PIP5K1B: variants seen among roughly 807,000 people sequenced by gnomAD.
PIP5K1B encodes the protein phosphatidylinositol-4-phosphate 5-kinase type 1 beta, also known as phosphatidylinositol 4-phosphate 5-kinase type-1 beta.
Under a neutral mutation model 67.0 loss-of-function variants are expected in PIP5K1B, and 42 were observed. The observed-to-expected ratio is 0.63, with a 90% confidence interval of 0.49 to 0.81. The LOEUF is 0.81. PIP5K1B is among the 30% of genes least tolerant of loss of function. PIP5K1B has a pLI of 0.00. For missense variants in PIP5K1B, 459 were observed against 646.3 expected, an observed-to-expected ratio of 0.71 and a Z score of 3.14; for synonymous variants, 214 against 231.4, an observed-to-expected ratio of 0.92 and a Z score of 0.68.
chr9:68,742,944 T>C (rs565446935), intron 2 of PIP5K1B, among the ~76,000 whole-genome samples: 59 of 152,336 alleles, frequency 3.9e-4, no homozygotes, highest in Middle Eastern at 3.4e-3. Context: ...GGTCTCTCTC[T>C]TTTTAAAAAC....
chr9:68,740,959 A>G (rs1278031228), intron 1 of PIP5K1B, among the ~76,000 whole-genome samples: 1 of 152,206 alleles, frequency 6.6e-6, no homozygotes, highest in Non-Finnish European at 1.5e-5. Context: ...GAAGTTTTAG[A>G]TCAGGTCATT....
intron 2 of PIP5K1B, among the ~76,000 whole-genome samples, chr9:68,777,277 T>C (rs1830962752): frequency 6.6e-6 from 1 of 152,194 alleles, no homozygotes; most frequent in Non-Finnish European, 1.5e-5. Context: ...ACTTACTCAG[T>C]ACAATGTGCC....
intron 14 of PIP5K1B, among the ~76,000 whole-genome samples, chr9:68,984,151 T>A (rs76513271): frequency 6.6e-6 from 1 of 152,160 alleles, no homozygotes; most frequent in Non-Finnish European, 1.5e-5. Flanking sequence ...TTATTCTCAT[T>A]TTACATATGG....
intron 12 of PIP5K1B, among the ~76,000 whole-genome samples, chr9:68,931,018 A>G (rs1826967682): frequency 6.6e-6 from 1 of 152,286 alleles, no homozygotes; most frequent in South Asian, 2.1e-4. Context: ...CTTAATGCCT[A>G]AAGGCATACT....
intron 4 of PIP5K1B, among the ~76,000 whole-genome samples, chr9:68,827,875 A>G (rs1031319225): frequency 6.6e-6 from 1 of 152,284 alleles, no homozygotes. Context: ...TTGAAAGAGG[A>G]TGGTCTCAAT....
chr9:68,838,384 G>A (rs963428256), intron 4 of PIP5K1B, among the ~76,000 whole-genome samples: 1 of 152,086 alleles, frequency 6.6e-6, no homozygotes, highest in African/African-American at 2.4e-5. Context: ...AAAAACAAAT[G>A]CCTCTTGTAC....
chr9:68,771,867 A>C (rs573030031), intron 2 of PIP5K1B, among the ~76,000 whole-genome samples: 3 of 152,330 alleles, frequency 2.0e-5, no homozygotes, highest in African/African-American at 7.2e-5. Flanking sequence ...CTACTATCAA[A>C]TTGAGCTACA....
chr9:68,992,395 G>A (rs1346183658), intron 15 of PIP5K1B, among the ~76,000 whole-genome samples: 2 of 152,134 alleles, frequency 1.3e-5, no homozygotes, highest in South Asian at 2.1e-4. Flanking sequence ...AATCAGCACC[G>A]AGTGATGCAT....
At chr9:68,738,155 T>C (rs1363745297) in intron 1 of PIP5K1B, among the ~76,000 whole-genome samples, 1 of 152,216 alleles carries the variant, frequency 6.6e-6, no homozygotes, top group Non-Finnish European at 1.5e-5. Flanking sequence ...GAAAAATTCA[T>C]ATGTATGTGG....
Position 68,821,960 on chromosome 9 carries a change from AAAT to A in PIP5K1B, c.1-653_1-651del, listed in dbSNP as rs2132069467. On this transcript the variant is annotated intron_variant, in intron 3 of 15. Transcript: ENST00000265382. ...GTTTATTACATAAATGTTCAGTGAA[AAAT>A]ACTGGGTAAGATAGTATTGTAAGTT... Among the ~76,000 whole-genome samples, 2 of 152,336 alleles carry A rather than the reference AAAT, an allele frequency of 1.3e-5. 1 individual carries two copies. The highest frequency in any genetic ancestry group is 4.1e-4 in the South Asian group (2 of 4,826).
chr9:68,780,062 G>C (rs1199771893), intron 2 of PIP5K1B: 1 of 1,416,506 alleles, frequency 7.1e-7, no homozygotes, highest in Non-Finnish European at 9.2e-7. Flanking sequence ...CCAGCCCGCT[G>C]ACAGATTCTC....
At chr9:68,941,703 C>T (rs112427998) in intron 14 of PIP5K1B, among the ~76,000 whole-genome samples, 3 of 152,168 alleles carry the variant, frequency 2.0e-5, no homozygotes, top group Non-Finnish European at 2.9e-5. Flanking sequence ...GAATTCCTTA[C>T]GCTTTAAGTC....
chr9:68,887,793 G>A (rs1824554594), intron 6 of PIP5K1B, among the ~76,000 whole-genome samples: 1 of 152,088 alleles, frequency 6.6e-6, no homozygotes, highest in Non-Finnish European at 1.5e-5. Flanking sequence ...GGAAATGTGA[G>A]GAATCAAGGA....
At chr9:68,852,189 C>G (rs1304065683) in intron 4 of PIP5K1B, among the ~76,000 whole-genome samples, 1 of 152,022 alleles carries the variant, frequency 6.6e-6, no homozygotes, top group Non-Finnish European at 1.5e-5. Flanking sequence ...TGTAACAAAC[C>G]TGCATGTTCT....
intron 2 of PIP5K1B, chr9:68,780,543 G>A: frequency 1.9e-6 from 3 of 1,614,162 alleles, no homozygotes; most frequent in Non-Finnish European, 2.5e-6. Flanking sequence ...GAGTGACAAC[G>A]ACGTGGAGAA....
At chr9:68,868,604 A>G (rs1333288516) in intron 5 of PIP5K1B, among the ~76,000 whole-genome samples, 2 of 152,208 alleles carry the variant, frequency 1.3e-5, no homozygotes, top group African/African-American at 2.4e-5. Flanking sequence ...TTGAATCAGA[A>G]CAAGTGTCCA....
chr9:68,973,500 G>A (rs1367667978), intron 14 of PIP5K1B, among the ~76,000 whole-genome samples: 1 of 152,156 alleles, frequency 6.6e-6, no homozygotes, highest in African/African-American at 2.4e-5. Context: ...TAGGAAAAGG[G>A]TATATAGTTT....
At chr9:68,767,654 G>A (rs1052779904) in intron 2 of PIP5K1B, among the ~76,000 whole-genome samples, 1 of 150,302 alleles carries the variant, frequency 6.7e-6, no homozygotes, top group African/African-American at 2.4e-5. Context: ...TAAATACCAT[G>A]ATCAAGTAGG....
At chr9:68,837,315 C>G (rs1834665607) in intron 4 of PIP5K1B, among the ~76,000 whole-genome samples, 2 of 152,158 alleles carry the variant, frequency 1.3e-5, no homozygotes, top group South Asian at 4.1e-4. Context: ...CTTAGACGTC[C>G]CCCCGCTAAT....
Sources: allele counts gnomAD v4.1 joint callset (sites outside exome capture counted in the v4.1 genomes callset), GRCh38; gene constraint gnomAD v4.1.1; transcripts MANE v1.5; gene names NCBI Gene and HGNC (gene_info 2026-07-23, HGNC 2026-07-21).